Variants in TOX3 observed in about 807,000 individuals in gnomAD.
TOX3 encodes TOX high mobility group box family member 3.
Under a neutral mutation model 64.3 loss-of-function variants are expected in TOX3, and 22 were observed. The observed-to-expected ratio is 0.34, with a 90% CI of 0.24 to 0.49. TOX3 has a LOEUF of 0.49. Ranked by LOEUF, TOX3 falls within the 20% of genes least tolerant of loss-of-function variation. The pLI, the probability that TOX3 is intolerant of heterozygous loss-of-function variation, is 0.99. For synonymous variants in TOX3, 291 were observed against 273.6 expected (o/e 1.06, Z -0.63); for missense variants, 661 against 714.4 (o/e 0.93, Z 0.85).
chr16:52,449,349 A>G (rs1031442486), intron 4 of TOX3, among the ~76,000 whole-genome samples: 1 of 152,106 alleles, frequency 6.6e-6, no homozygotes, highest in Non-Finnish European at 1.5e-5. Context: ...ATGTACTTCC[A>G]CTGTTCCTCA....
intron 1 of TOX3, among the ~76,000 whole-genome samples, chr16:52,478,210 A>G (rs1764663644): frequency 6.6e-6 from 1 of 152,184 alleles, no homozygotes; most frequent in Non-Finnish European, 1.5e-5. Context: ...ACAAGTCCCT[A>G]TATCATCTGG....
chr16:52,501,783 C>T (rs999375824), intron 1 of TOX3, among the ~76,000 whole-genome samples: 2 of 152,142 alleles, frequency 1.3e-5, no homozygotes, highest in East Asian at 3.8e-4. Context: ...CTGCCTTAAC[C>T]CACTAATGTA....
At chr16:52,496,867 A>C (rs1004046241) in intron 1 of TOX3, among the ~76,000 whole-genome samples, 1 of 150,818 alleles carries the variant, frequency 6.6e-6, no homozygotes, top group Non-Finnish European at 1.5e-5. Context: ...TAACCTGGGG[A>C]AAAAAAAACA....
chr16:52,456,066 A>G (rs1377198469), intron 3 of TOX3, among the ~76,000 whole-genome samples: 5 of 152,222 alleles, frequency 3.3e-5, no homozygotes, highest in African/African-American at 1.2e-4. Flanking sequence ...CTGGGCCAGG[A>G]AGAGCATAGC....
intron 1 of TOX3, among the ~76,000 whole-genome samples, chr16:52,484,647 A>G (rs1325647073): frequency 1.3e-5 from 2 of 150,806 alleles, no homozygotes; most frequent in Non-Finnish European, 3.0e-5. Flanking sequence ...AAAACATTAG[A>G]AAAAAAAAAT....
In TOX3 at chr16:52,439,504, G is replaced by T; in HGVS notation, c.1452C>A (p.His484Gln). 1.4e-6 allele frequency: 2 copies of T among 1,403,208 alleles called. No homozygotes were observed. The highest frequency in any genetic ancestry group is 2.0e-6 in the Non-Finnish European group (2 of 1,012,208). The allele number at this position is 1,403,208 out of a possible 1,614,324, so 86.9% of individuals were successfully genotyped here. ...GCTGCTGCAGGTGCTGCTGCATGTGGTGCTGGAAATGCTGCTGCTGCATCT... is the reference window on the plus strand; with the variant it reads ...GCTGCTGCAGGTGCTGCTGCATGTGTTGCTGGAAATGCTGCTGCTGCATCT... ...QQQMQQQHFQ[H>Q]HMQQHLQQQQ... Residue 484 changes from histidine (H) to glutamine (Q), a missense_variant, in exon 7 of 7, where the codon CAC becomes CAA. By Grantham distance (24) the His-to-Gln change is conservative (BLOSUM62 0). Around this residue, in one of 3 missense-constraint regions of TOX3, gnomAD observed 299 missense variants for 292.1 expected, o/e 1.02. Transcript: ENST00000219746.
intron 6 of TOX3, among the ~76,000 whole-genome samples, chr16:52,444,038 A>G (rs528302053): frequency 6.6e-6 from 1 of 152,346 alleles, no homozygotes; most frequent in South Asian, 2.1e-4. Context: ...ATAGCTACAT[A>G]CACATATATA....
chr16:52,514,936 G>A lies in TOX3; in HGVS notation c.87+31701C>T, dbSNP rs954643258. 1.0e-4 allele frequency among the ~76,000 whole-genome samples: 15 copies of A among 147,838 alleles called. No individual in the cohort carries two copies. In the South Asian group the frequency reaches 1.1e-3, roughly 11 times the overall value. ...TGAGGCAGGAGAATGGCATGAACCC[G>A]GGAGGTGGAGGTTGCAGTGAGCCAA... On this transcript the variant is annotated intron_variant, in intron 1 of 6. Transcript: ENST00000219746.
chr16:52,439,144 C>G lies in TOX3; in HGVS notation c.*81G>C. On this transcript the variant is annotated 3_prime_UTR_variant, in exon 7 of 7. Transcript: ENST00000219746. ...CACATTTCTGCATAACCAACACCAA[C>G]TTACAGGTTTCAGCCACATATGCTT... 6.3e-7 allele frequency: 1 copy of G among 1,590,960 alleles called. No homozygotes were observed. The highest frequency in any genetic ancestry group is 1.3e-5 in the African/African-American group (1 of 74,750).
intron 4 of TOX3, among the ~76,000 whole-genome samples, chr16:52,446,543 T>A (rs1404845328): frequency 8.5e-5 from 13 of 152,158 alleles, no homozygotes; most frequent in Non-Finnish European, 1.9e-4. Context: ...CATACATACA[T>A]CAGCAAAATA....
rs534139402 is a variant in TOX3 at position 52,468,484 on chromosome 16, C to G, written c.153+25G>C. ...ATCTCAATAACACAAAAAACAGGAA[C>G]AAACACATTAAGACAGTCACCTACC... On this transcript the variant is annotated intron_variant, in intron 2 of 6. Coordinates refer to ENST00000219746, the MANE Select transcript of TOX3 (RefSeq NM_001080430.4). The G allele has an allele frequency of 1.2e-5, 19 of 1,603,594 alleles. No individual in the cohort carries two copies. The South Asian group carries it at 1.4e-4, about 12-fold the overall frequency.
At chr16:52,530,765 T>C (rs1405169119) in intron 1 of TOX3, among the ~76,000 whole-genome samples, 2 of 152,172 alleles carry the variant, frequency 1.3e-5, no homozygotes, top group East Asian at 3.8e-4. Context: ...CATTGCATTC[T>C]TCTTGGTCTT....
chr16:52,520,196 AAT>A (rs1448893712), intron 1 of TOX3, among the ~76,000 whole-genome samples: 1 of 152,224 alleles, frequency 6.6e-6, no homozygotes, highest in Non-Finnish European at 1.5e-5. Flanking sequence ...AGTATTTCTA[AAT>A]ATATTTAAAA....
intron 6 of TOX3, 112 bp downstream of exon 6, chr16:52,444,164 A>G: frequency 1.3e-6 from 1 of 750,944 alleles, no homozygotes; most frequent in East Asian, 2.8e-5. Context: ...CAAGTTGTTC[A>G]AGATGCCTTT....
intron 1 of TOX3, among the ~76,000 whole-genome samples, chr16:52,472,549 G>T (rs980120379): frequency 2.0e-5 from 3 of 151,986 alleles, no homozygotes; most frequent in African/African-American, 7.2e-5. Context: ...ACCTTAACTT[G>T]GTCTATTTCT....
At chr16:52,449,089 T>G (rs1960256073) in intron 4 of TOX3, among the ~76,000 whole-genome samples, 1 of 152,248 alleles carries the variant, frequency 6.6e-6, no homozygotes, top group Non-Finnish European at 1.5e-5. Context: ...CCTCCCTTGA[T>G]GAAAGGAAAC....
chr16:52,527,600 A>G (rs2151482379), intron 1 of TOX3, among the ~76,000 whole-genome samples: 1 of 152,294 alleles, frequency 6.6e-6, no homozygotes, highest in Admixed American at 6.5e-5. Context: ...AAGGTGCTGA[A>G]ACACGCGTAG....
chr16:52,496,180 C>T (rs1300365573), intron 1 of TOX3, among the ~76,000 whole-genome samples: 2 of 152,204 alleles, frequency 1.3e-5, no homozygotes, highest in African/African-American at 2.4e-5. Context: ...TTCAAATGAG[C>T]CTTTGGGAGA....
chr16:52,449,338 C>T (rs552426588), intron 4 of TOX3, among the ~76,000 whole-genome samples: 19 of 152,168 alleles, frequency 1.2e-4, no homozygotes, highest in African/African-American at 3.9e-4. Flanking sequence ...CCATAAATAG[C>T]ATGTACTTCC....
Sources: allele counts gnomAD v4.1 joint callset (sites outside exome capture counted in the v4.1 genomes callset), GRCh38; gene constraint gnomAD v4.1.1; regional missense constraint gnomAD v4.1.1; transcripts MANE v1.5; gene names NCBI Gene and HGNC (gene_info 2026-07-23, HGNC 2026-07-21).